Variants in TRIQK observed in about 807,000 individuals in gnomAD.
TRIQK encodes triple QxxK/R motif-containing protein.
Under a neutral mutation model 10.8 loss-of-function variants are expected in TRIQK, and 10 were observed. The observed-to-expected ratio is 0.92, with a 90% CI of 0.57 to 1.57. The LOEUF is 1.57. Among genes scored for constraint, TRIQK ranks in the 40% most tolerant of loss-of-function variants. The probability of loss-of-function intolerance (pLI) is 0.00; values close to 1 mark genes in which losing one functional copy is unlikely to be tolerated. For missense variants in TRIQK, 107 were observed against 97.7 expected, an observed-to-expected ratio of 1.09 and a Z score of -0.40; for synonymous variants, 33 against 33.7, an observed-to-expected ratio of 0.98 and a Z score of 0.07.
chr8:92,910,585 T>TA (rs1247547879), intron 3 of TRIQK, among the ~76,000 whole-genome samples: 1 of 150,726 alleles, frequency 6.6e-6, no homozygotes, highest in Non-Finnish European at 1.5e-5. Flanking sequence ...CCACCTATAT[T>TA]AAAAAATCAA....
intron 1 of TRIQK, among the ~76,000 whole-genome samples, chr8:93,003,340 G>A (rs1813234407): frequency 6.7e-6 from 1 of 150,114 alleles, no homozygotes. Flanking sequence ...GAGAGAGAGA[G>A]CACAAAGGGG....
At chr8:92,911,078 A>G (rs1259273022) in intron 3 of TRIQK, among the ~76,000 whole-genome samples, 2 of 151,482 alleles carry the variant, frequency 1.3e-5, no homozygotes, top group African/African-American at 4.8e-5. Context: ...CTGATATCAT[A>G]CACAAAACAC....
chr8:92,993,678 T>G (rs1001361049), intron 1 of TRIQK, among the ~76,000 whole-genome samples: 1 of 152,158 alleles, frequency 6.6e-6, no homozygotes, highest in Non-Finnish European at 1.5e-5. Flanking sequence ...CCTAAAACCT[T>G]GGCAATAGTT....
At chr8:92,913,926 A>G (rs1380409286) in intron 3 of TRIQK, among the ~76,000 whole-genome samples, 1 of 152,178 alleles carries the variant, frequency 6.6e-6, no homozygotes, top group Non-Finnish European at 1.5e-5. Context: ...CATTGAGAAC[A>G]TACGAGCACA....
chr8:93,008,591 T>C (rs1352499168), intron 1 of TRIQK, among the ~76,000 whole-genome samples: 2 of 152,100 alleles, frequency 1.3e-5, no homozygotes, highest in Non-Finnish European at 2.9e-5. Flanking sequence ...CTTCAAAATA[T>C]ACCTCAAAGC....
chr8:92,900,120 T>C (rs541417762), intron 3 of TRIQK, among the ~76,000 whole-genome samples: 1 of 152,318 alleles, frequency 6.6e-6, no homozygotes, highest in African/African-American at 2.4e-5. Flanking sequence ...CCTATTGGGT[T>C]GTCTGAGCTC....
intron 1 of TRIQK, among the ~76,000 whole-genome samples, chr8:93,008,963 A>G (rs1407645291): frequency 4.6e-5 from 7 of 152,182 alleles, no homozygotes; most frequent in East Asian, 1.9e-4. Context: ...GCAAAAATAG[A>G]CAAATAAGAT....
intron 1 of TRIQK, among the ~76,000 whole-genome samples, chr8:93,006,410 C>G (rs1813272577): frequency 6.6e-6 from 1 of 152,196 alleles, no homozygotes; most frequent in African/African-American, 2.4e-5. Context: ...GCCCAGGAAA[C>G]CACTCTTTTT....
chr8:92,956,062 A>G (rs1812157009), intron 1 of TRIQK, among the ~76,000 whole-genome samples: 1 of 151,766 alleles, frequency 6.6e-6, no homozygotes, highest in Non-Finnish European at 1.5e-5. Flanking sequence ...TTAGGTATAT[A>G]TCCAAGAAAA....
chr8:92,991,152 C>T (rs539573946), intron 1 of TRIQK, among the ~76,000 whole-genome samples: 4 of 152,228 alleles, frequency 2.6e-5, no homozygotes, highest in Non-Finnish European at 5.9e-5. Flanking sequence ...TCAAACTGGG[C>T]GGAGCCCACC....
chr8:92,905,413 TA>T (rs1278342074), intron 3 of TRIQK, among the ~76,000 whole-genome samples: 2 of 152,210 alleles, frequency 1.3e-5, no homozygotes, highest in Non-Finnish European at 2.9e-5. Flanking sequence ...GGCACAAATT[TA>T]AGTGGCAAAT....
intron 2 of TRIQK, among the ~76,000 whole-genome samples, chr8:92,939,154 G>A (rs746514658): frequency 2.0e-5 from 3 of 152,124 alleles, no homozygotes; most frequent in Non-Finnish European, 4.4e-5. Context: ...AATCAGTATG[G>A]TCAGGTTTTA....
chr8:92,946,831 G>T (rs1313771676), intron 2 of TRIQK, among the ~76,000 whole-genome samples: 1 of 151,150 alleles, frequency 6.6e-6, no homozygotes, highest in African/African-American at 2.4e-5. Context: ...TGCAATCTCG[G>T]CTCACTGCGA....
chr8:92,934,487 G>T (rs1030319251), intron 2 of TRIQK, among the ~76,000 whole-genome samples: 1 of 151,832 alleles, frequency 6.6e-6, no homozygotes, highest in African/African-American at 2.4e-5. Flanking sequence ...GAAACAAAGA[G>T]CTCAAGACAA....
At chr8:92,920,259 T>C (rs1810106353) in intron 2 of TRIQK, among the ~76,000 whole-genome samples, 1 of 151,852 alleles carries the variant, frequency 6.6e-6, no homozygotes, top group South Asian at 2.1e-4. Context: ...TTACAATATG[T>C]CATTATTCAT....
intron 2 of TRIQK, among the ~76,000 whole-genome samples, chr8:92,940,618 A>G (rs1435033246): frequency 6.6e-6 from 1 of 152,216 alleles, no homozygotes. Flanking sequence ...GGAGCACCCA[A>G]ATAAATAAAG....
intron 1 of TRIQK, chr8:92,965,382 A>C (rs1243679574): frequency 1.3e-5 from 2 of 152,342 alleles, no homozygotes; most frequent in African/African-American, 2.4e-5. Flanking sequence ...CCCCCGCCCC[A>C]CAACCTCACC....
chr8:92,985,032 G>A (rs1228952056), intron 1 of TRIQK, among the ~76,000 whole-genome samples: 1 of 152,120 alleles, frequency 6.6e-6, no homozygotes, highest in Non-Finnish European at 1.5e-5. Flanking sequence ...TGTTTCTAAA[G>A]CTAATAAACT....
intron 3 of TRIQK, among the ~76,000 whole-genome samples, chr8:92,894,268 G>A (rs771837942): frequency 6.6e-6 from 1 of 152,044 alleles, no homozygotes; most frequent in South Asian, 2.1e-4. Context: ...AGTTTACTAA[G>A]TGACAACATT....
Sources: allele counts gnomAD v4.1 joint callset (sites outside exome capture counted in the v4.1 genomes callset), GRCh38; gene constraint gnomAD v4.1.1; transcripts MANE v1.5; gene names NCBI Gene and HGNC (gene_info 2026-07-23, HGNC 2026-07-21).